The following IPO13 variants were observed in gnomAD, a reference collection of about 807,000 sequenced individuals.
The protein encoded by IPO13 is importin 13.
In IPO13, 28 loss-of-function variants were observed where a neutral mutation model predicts 115.5. That is an observed-to-expected ratio of 0.24 (90% CI 0.18 to 0.33). IPO13 has a LOEUF of 0.33. Among genes scored for constraint, IPO13 ranks in the 10% least tolerant of loss-of-function variants. The pLI is 1.00. For synonymous variants in IPO13, 414 were observed against 478.9 expected (o/e 0.86, Z 1.77); for missense variants, 785 against 1,204.6 (o/e 0.65, Z 5.16).
chr1:43,966,792 A>G lies in IPO13; in HGVS notation c.2523+10A>G. ...CTCCTGTGGCTTCTTTGTGAGTCCC[A>G]TGCTGAACCCTGACCCACTGCCACC... On this transcript the variant is annotated intron_variant, in intron 17 of 19. Transcript: ENST00000372343. This position sits in a 1 kb window ranked among gnomAD's most constrained non-coding sequence, Gnocchi z 4.1. 1 of 1,613,952 alleles carries G rather than the reference A, an allele frequency of 6.2e-7. No homozygotes were observed.
At position 43,966,810 on chromosome 1, in the gene IPO13, C is replaced by CT; in HGVS notation, c.2523+29dup. ...GAGTCCCATGCTGAACCCTGACCCACTGCCACCCCAGTGCCCTCCCCTGCC... is the reference window on the plus strand; with the variant it reads ...GAGTCCCATGCTGAACCCTGACCCACTTGCCACCCCAGTGCCCTCCCCTGCC... On this transcript the variant is annotated intron_variant, in intron 17 of 19. Coordinates refer to ENST00000372343, the MANE Select transcript of IPO13 (RefSeq NM_014652.4). This position sits in a 1 kb window ranked among gnomAD's most constrained non-coding sequence, Gnocchi z 4.1. 1 of 1,613,458 alleles carries CT rather than the reference C, an allele frequency of 6.2e-7. No individual in the cohort carries two copies. Among genetic ancestry groups the CT allele is most frequent in the Non-Finnish European group, 8.5e-7 (1 of 1,179,524 alleles).
At position 43,958,479 on chromosome 1, in the gene IPO13, C is replaced by T; in HGVS notation, c.1768C>T (p.Leu590=). 6.2e-7 allele frequency: 1 copy of T among 1,614,156 alleles called. No homozygotes were observed. Among genetic ancestry groups the T allele is most frequent in the Non-Finnish European group, 8.5e-7 (1 of 1,180,022 alleles). ...CCCACAGACAAGCCAGTGCATGTGG[C>T]TGATGCAGGCGCTGGGCTTCCTGCT... The part of the protein sequence containing the change: ...QIHKTSQCMW[L]MQALGFLLSA... The change falls in exon 10 of 20, where the codon CTG becomes TTG. Residue 590 remains leucine (L), a synonymous_variant. Coordinates refer to ENST00000372343, the MANE Select transcript of IPO13 (RefSeq NM_014652.4). The surrounding 1 kb of genome is among the most constrained non-coding windows in gnomAD (Gnocchi z 6.3).
intron 1 of IPO13, among the ~76,000 whole-genome samples, chr1:43,948,605 C>G (rs1044372166): frequency 2.0e-5 from 3 of 152,198 alleles, no homozygotes; most frequent in Non-Finnish European, 4.4e-5. Flanking sequence ...TTGGATGGAG[C>G]CTGCTTAGGG....
Position 43,966,534 on chromosome 1 carries a change from G to A in IPO13, c.2398-41G>A. The A allele has an allele frequency of 6.2e-7, 1 of 1,608,038 alleles. No individual in the cohort carries two copies. The highest frequency in any genetic ancestry group is 8.5e-7 in the Non-Finnish European group (1 of 1,174,632). ...AGGTGAGTGGGGGGGATGGTCCTTG[G>A]AGCTGGCTGGGGCTGGGCTTACCAG... On this transcript the variant is annotated intron_variant, in intron 15 of 19. Transcript: ENST00000372343. This position sits in a 1 kb window ranked among gnomAD's most constrained non-coding sequence, Gnocchi z 4.1.
Position 43,957,282 on chromosome 1 carries a change from G to T in IPO13, c.1359G>T (p.Leu453Phe). The T allele has an allele frequency of 6.2e-7, 1 of 1,614,084 alleles. No individual in the cohort carries two copies. The highest frequency in any genetic ancestry group is 8.5e-7 in the Non-Finnish European group (1 of 1,180,008). ...ACCTCTATGACAAGCTGGGTCGTTT[G>T]CTCACCAGCTCAGAGGAGCCCTACT... ...LSNLYDKLGR[L>F]LTSSEEPYSW... The change falls in exon 6 of 20, where the codon TTG (leucine) becomes TTT (phenylalanine). Residue 453 changes from leucine (L) to phenylalanine (F), a missense_variant. Transcript: ENST00000372343.
rs2085249600 is a variant in IPO13, at chr1:43,956,516, C to T, written c.963-44C>T. The stretch of plus-strand genomic sequence containing the variant: ...GTAGGGCCCTCTAAGAAATGGGGTT[C>T]TGGAAGTCCCTGGAAAGGTAGAATG... On this transcript the variant is annotated intron_variant, in intron 3 of 19. Transcript: ENST00000372343. This position sits in a 1 kb window ranked among gnomAD's most constrained non-coding sequence, Gnocchi z 4.7. The T allele has an allele frequency of 6.2e-7, 1 of 1,613,876 alleles. No individual in the cohort carries two copies. The highest frequency in any genetic ancestry group is 8.5e-7 in the Non-Finnish European group (1 of 1,179,924).
rs1384757907 is a variant in IPO13, at chr1:43,956,183, C to T, written c.822-137C>T. 8 of 960,428 alleles carry T rather than the reference C, an allele frequency of 8.3e-6. No individual in the cohort carries two copies. The highest frequency in any genetic ancestry group is 3.3e-4 in the Middle Eastern group (1 of 3,072). The allele number at this position is 960,428 out of a possible 1,614,324, so 59.5% of individuals were successfully genotyped here. ...GGAACATCAAATCTGCCATGTAGAC[C>T]CTGACCCTTTTTTTGCTTAGGATTT... On this transcript the variant is annotated intron_variant, in intron 2 of 19. Transcript: ENST00000372343. The surrounding 1 kb of genome is among the most constrained non-coding windows in gnomAD (Gnocchi z 4.7).
rs765486831 is a variant in IPO13 at position 43,957,411 on chromosome 1, G to A, written c.1402G>A (p.Ala468Thr). The A allele has an allele frequency of 6.2e-7, 1 of 1,613,960 alleles. No homozygotes were observed. Among genetic ancestry groups the A allele is most frequent in the African/African-American group, 1.3e-5 (1 of 74,880 alleles). The change falls in exon 7 of 20, where the codon GCC becomes ACC. Residue 468 changes from alanine (A) to threonine (T), a missense_variant. Around this residue, in one of 3 missense-constraint regions of IPO13, gnomAD observed 175 missense variants for 360.0 expected, o/e 0.49. Coordinates refer to ENST00000372343, the MANE Select transcript of IPO13 (RefSeq NM_014652.4). The stretch of plus-strand genomic sequence containing the variant: ...CACCCTCTTTCCCCAGCACACAGAG[G>A]CCCTCCTCTACGGCTTCCAATCCAT... Reference protein sequence around the residue: ...EEPYSWQHTEALLYGFQSIAE... With the variant: ...EEPYSWQHTETLLYGFQSIAE...
chr1:43,963,270 A>G (rs1169261375), intron 14 of IPO13, among the ~76,000 whole-genome samples: 1 of 152,184 alleles, frequency 6.6e-6, no homozygotes, highest in Non-Finnish European at 1.5e-5. Context: ...AAGCCTGGGT[A>G]GGAGCTCCAG....
chr1:43,948,016 A>G (rs866150969), intron 1 of IPO13, among the ~76,000 whole-genome samples: 8 of 152,162 alleles, frequency 5.3e-5, no homozygotes, highest in African/African-American at 1.7e-4. Flanking sequence ...AACCCAGGAG[A>G]CCTGCAGCTC....
Position 43,967,689 on chromosome 1 carries a change from C to G in IPO13, c.*7C>G, listed in dbSNP as rs115978839. On this transcript the variant is annotated 3_prime_UTR_variant, in exon 20 of 20. Coordinates refer to ENST00000372343, the MANE Select transcript of IPO13 (RefSeq NM_014652.4). The surrounding 1 kb of genome is among the most constrained non-coding windows in gnomAD (Gnocchi z 6.1). Reference sequence around the variant, plus strand: ...TTACACAGCTGACTACTGAGGGGTGCCCCCATCCCATCCACCCCTTCTCTT... The same window carrying G: ...TTACACAGCTGACTACTGAGGGGTGGCCCCATCCCATCCACCCCTTCTCTT... 3.1e-6 allele frequency: 5 copies of G among 1,611,816 alleles called. No homozygotes were observed. The South Asian group carries it at 5.5e-5, about 18-fold the overall frequency.
Position 43,958,318 on chromosome 1 carries a change from A to G in IPO13, c.1749+50A>G, listed in dbSNP as rs984680832. The G allele has an allele frequency of 6.2e-7, 1 of 1,612,410 alleles. No homozygotes were observed. Among genetic ancestry groups the G allele is most frequent in the Non-Finnish European group, 8.5e-7 (1 of 1,178,536 alleles). On this transcript the variant is annotated intron_variant, in intron 9 of 19. Transcript: ENST00000372343. This position sits in a 1 kb window ranked among gnomAD's most constrained non-coding sequence, Gnocchi z 6.3. ...TCTCCTTGGAGGTCTTGTGGGAATCACTTATCCCTGAAATCCTGTTTTTTG... is the reference window on the plus strand; with the variant it reads ...TCTCCTTGGAGGTCTTGTGGGAATCGCTTATCCCTGAAATCCTGTTTTTTG...
Position 43,966,446 on chromosome 1 carries a change from TG to T in IPO13, c.2398-127del. 1 of 889,194 alleles carries T rather than the reference TG, an allele frequency of 1.1e-6. No homozygotes were observed. Among genetic ancestry groups the T allele is most frequent in the Non-Finnish European group, 1.8e-6 (1 of 548,092 alleles). 55.1% of individuals were successfully genotyped at this position (889,194 alleles called of 1,614,324 possible). A position where few individuals can be genotyped will look rare whatever the true frequency, so the allele number is the denominator to read the frequency against. On this transcript the variant is annotated intron_variant, in intron 15 of 19. Coordinates refer to ENST00000372343, the MANE Select transcript of IPO13 (RefSeq NM_014652.4). The surrounding 1 kb of genome is among the most constrained non-coding windows in gnomAD (Gnocchi z 4.1). ...TGAGGTGGTCCGGGTCCCCCAGAGA[TG>T]GCTGGGTAGCTGGTTTTGGCAGCCT...
At chr1:43,951,182 T>A (rs2085206308) in intron 2 of IPO13, among the ~76,000 whole-genome samples, 1 of 152,204 alleles carries the variant, frequency 6.6e-6, no homozygotes, top group Non-Finnish European at 1.5e-5. Context: ...TGGCAAATGT[T>A]CATTGAGCAT....
chr1:43,964,740 G>A (rs2085310846), intron 15 of IPO13, among the ~76,000 whole-genome samples: 1 of 152,212 alleles, frequency 6.6e-6, no homozygotes, highest in Admixed American at 6.5e-5. Context: ...CTCCTGAGAG[G>A]TAGGCTGGGA....
chr1:43,955,274 T>C (rs899639644), intron 2 of IPO13, among the ~76,000 whole-genome samples: 3 of 152,162 alleles, frequency 2.0e-5, no homozygotes, highest in African/African-American at 7.2e-5. Flanking sequence ...TTTTTTTTTT[T>C]TTTAAATCAG....
Position 43,956,477 on chromosome 1 carries a change from C to T in IPO13, c.962+17C>T. On this transcript the variant is annotated intron_variant, in intron 3 of 19. Coordinates refer to ENST00000372343, the MANE Select transcript of IPO13 (RefSeq NM_014652.4). This position sits in a 1 kb window ranked among gnomAD's most constrained non-coding sequence, Gnocchi z 4.7. ...CCACTCCCGGTAAAGGGTGGAGCAG[C>T]TTGGGGTGGGATAGTAGGGCCCTCT... 2 of 1,614,114 alleles carry T rather than the reference C, an allele frequency of 1.2e-6. No homozygotes were observed. The highest frequency in any genetic ancestry group is 1.7e-6 in the Non-Finnish European group (2 of 1,180,018).
At position 43,947,137 on chromosome 1, in the gene IPO13, G is replaced by GCT. The variant is rs1183226207; in HGVS notation, c.-454_-453dup. The GCT allele has an allele frequency of 1.3e-5, 5 of 398,732 alleles. No individual in the cohort carries two copies. Among genetic ancestry groups the GCT allele is most frequent in the African/African-American group, 2.1e-5 (1 of 48,606 alleles). The allele number at this position is 398,732 out of a possible 1,614,324, so 24.7% of individuals were successfully genotyped here. ...TTGGACGCCTCCGTAACCACGAAGG[G>GCT]CTCTCTCTCTCCCGTGACCCTCCAG... On this transcript the variant is annotated 5_prime_UTR_variant, in exon 1 of 20. Transcript: ENST00000372343.
In IPO13 at chr1:43,958,325, C is replaced by T; in HGVS notation, c.1749+57C>T. The T allele has an allele frequency of 6.2e-7, 1 of 1,611,468 alleles. No individual in the cohort carries two copies. Among genetic ancestry groups the T allele is most frequent in the Admixed American group, 1.7e-5 (1 of 60,006 alleles). On this transcript the variant is annotated intron_variant, in intron 9 of 19. Transcript: ENST00000372343. This position sits in a 1 kb window ranked among gnomAD's most constrained non-coding sequence, Gnocchi z 6.3. ...GGAGGTCTTGTGGGAATCACTTATC[C>T]CTGAAATCCTGTTTTTTGGCCTTCC...
Sources: gnomAD v4.1 joint callset for allele counts (sites outside exome capture counted in the v4.1 genomes callset) on GRCh38, gnomAD v4.1.1 for gene constraint, gnomAD v4.1.1 regional missense constraint, Gnocchi (gnomAD v3.1) non-coding constraint, MANE v1.5 for transcripts, NCBI Gene and HGNC (gene_info 2026-07-23, HGNC 2026-07-21) for gene names.